PLOD2: variants seen among roughly 807,000 people sequenced by gnomAD.
PLOD2 encodes procollagen-lysine,2-oxoglutarate 5-dioxygenase 2, also known as lysine hydroxylase 2.
A neutral mutation model predicts 101.0 loss-of-function variants in PLOD2; 65 were observed. The observed-to-expected ratio is 0.64, with a 90% CI of 0.53 to 0.79. The LOEUF is 0.79. Ranked by LOEUF, PLOD2 falls within the 30% of genes least tolerant of loss-of-function variation. PLOD2 has a pLI of 0.00. For missense variants in PLOD2, 909 were observed against 914.6 expected (o/e 0.99, Z 0.08); for synonymous variants, 314 against 302.9 (o/e 1.04, Z -0.38).
chr3:146,074,983 A>G (rs1011420027), intron 15 of PLOD2, among the ~76,000 whole-genome samples: 41 of 151,572 alleles, frequency 2.7e-4, no homozygotes, highest in Non-Finnish European at 5.2e-4. Flanking sequence ...TTCTTACACA[A>G]ATATCTACAA....
chr3:146,072,161 A>G (rs1576568931), intron 17 of PLOD2, among the ~76,000 whole-genome samples: 1 of 151,732 alleles, frequency 6.6e-6, no homozygotes, highest in African/African-American at 2.4e-5. Flanking sequence ...TTTACACACA[A>G]AAACAGTTTT....
chr3:146,134,475 A>G (rs570398402), intron 1 of PLOD2, among the ~76,000 whole-genome samples: 68 of 152,352 alleles, frequency 4.5e-4, no homozygotes, highest in Middle Eastern at 3.4e-3. Flanking sequence ...CAAAGGTTTC[A>G]GCAACCTCCA....
chr3:146,084,367 GAT>G (rs57638108), intron 11 of PLOD2, among the ~76,000 whole-genome samples: 2 of 150,926 alleles, frequency 1.3e-5, no homozygotes, highest in Non-Finnish European at 1.5e-5. Flanking sequence ...AAATTCTAGT[GAT>G]ATATATATAT....
intron 2 of PLOD2, among the ~76,000 whole-genome samples, 160 bp downstream of exon 2, chr3:146,123,978 G>A (rs570750248): frequency 6.6e-6 from 1 of 152,070 alleles, no homozygotes; most frequent in African/African-American, 2.4e-5. Flanking sequence ...ATTTCTTTGT[G>A]TTAGGAAATA....
chr3:146,094,176 G>A (rs1937069736), intron 7 of PLOD2, among the ~76,000 whole-genome samples: 1 of 152,176 alleles, frequency 6.6e-6, no homozygotes, highest in South Asian at 2.1e-4. Context: ...ATGTTTCCAA[G>A]TATGATGTCA....
At chr3:146,140,131 T>G (rs2031450007) in intron 1 of PLOD2, among the ~76,000 whole-genome samples, 1 of 152,098 alleles carries the variant, frequency 6.6e-6, no homozygotes, top group African/African-American at 2.4e-5. Context: ...TACTCCAGTA[T>G]GACCCAGTGC....
intron 2 of PLOD2, among the ~76,000 whole-genome samples, chr3:146,123,012 T>C (rs985878191): frequency 3.9e-5 from 6 of 152,180 alleles, no homozygotes; most frequent in African/African-American, 1.4e-4. Flanking sequence ...TTCTAACATG[T>C]TTTTCATTTA....
intron 16 of PLOD2, among the ~76,000 whole-genome samples, chr3:146,072,996 G>A (rs1486106950): frequency 6.6e-6 from 1 of 151,644 alleles, no homozygotes; most frequent in African/African-American, 2.4e-5. Flanking sequence ...TTCACTGCAA[G>A]AGTTCTACAT....
chr3:146,125,138 T>A (rs527861472), intron 1 of PLOD2, among the ~76,000 whole-genome samples: 2 of 152,224 alleles, frequency 1.3e-5, no homozygotes, highest in East Asian at 3.9e-4. Context: ...AAAGCAAAAC[T>A]AACATCTTTT....
chr3:146,144,007 C>T (rs1310877293), intron 1 of PLOD2, among the ~76,000 whole-genome samples: 1 of 152,002 alleles, frequency 6.6e-6, no homozygotes, highest in East Asian at 1.9e-4. Flanking sequence ...CAGCTAAGAG[C>T]GTTTATACTG....
intron 8 of PLOD2, among the ~76,000 whole-genome samples, chr3:146,091,305 C>T (rs903032636): frequency 6.6e-6 from 1 of 151,784 alleles, no homozygotes; most frequent in Non-Finnish European, 1.5e-5. Context: ...TCAGTTTTCT[C>T]GTCTGTAAAA....
At chr3:146,145,932 G>A (rs2031752321) in intron 1 of PLOD2, among the ~76,000 whole-genome samples, 1 of 152,124 alleles carries the variant, frequency 6.6e-6, no homozygotes, top group South Asian at 2.1e-4. Flanking sequence ...TCATAAAATT[G>A]TAATTAGGAT....
intron 1 of PLOD2, among the ~76,000 whole-genome samples, chr3:146,147,650 G>A (rs762749715): frequency 2.0e-5 from 3 of 152,190 alleles, no homozygotes; most frequent in African/African-American, 4.8e-5. Flanking sequence ...GTCTCTAGAC[G>A]TTACCAAATA....
At chr3:146,086,707 A>C (rs1936783930) in intron 10 of PLOD2, 80 bp downstream of exon 10, 3 of 1,071,094 alleles carry the variant, frequency 2.8e-6, no homozygotes, top group Non-Finnish European at 4.0e-6. Context: ...TGGCATAACA[A>C]TTTTAATTTA....
chr3:146,078,201 A>G (rs1030831597), intron 13 of PLOD2, among the ~76,000 whole-genome samples: 1 of 151,848 alleles, frequency 6.6e-6, no homozygotes, highest in African/African-American at 2.4e-5. Flanking sequence ...ACATAAGACA[A>G]CGGAAAAAAT....
rs1936546236 is a variant in PLOD2 at position 146,081,749 on chromosome 3, T to C, written c.1347A>G (p.Gln449=). 5 of 1,607,568 alleles carry C rather than the reference T, an allele frequency of 3.1e-6. No individual in the cohort carries two copies. The highest frequency in any genetic ancestry group is 1.7e-5 in the Admixed American group (1 of 59,990). The change falls in exon 12 of 20, where the codon CAA becomes CAG. Residue 449 remains glutamine, a synonymous_variant. Coordinates refer to ENST00000282903, the MANE Select transcript of PLOD2 (RefSeq NM_182943.3). ...ARSEDYVDIV[Q]GNRVGVWNVP... The stretch of plus-strand genomic sequence containing the variant: ...ACCAAGTAACTTACACTCTATTCCC[T>C]TGAACAATATCCACATAATCTTCAG...
chr3:146,072,336 T>C (rs1365711070), intron 17 of PLOD2, among the ~76,000 whole-genome samples: 1 of 151,652 alleles, frequency 6.6e-6, no homozygotes, highest in Admixed American at 6.6e-5. Context: ...TCCAGTGTAA[T>C]TACATGCATA....
At chr3:146,093,330 C>G (rs2108032755) in intron 7 of PLOD2, among the ~76,000 whole-genome samples, 1 of 152,296 alleles carries the variant, frequency 6.6e-6, no homozygotes. Flanking sequence ...GTAAGCCATT[C>G]ACATTTCTTC....
intron 7 of PLOD2, among the ~76,000 whole-genome samples, chr3:146,092,281 A>C (rs898641224): frequency 7.2e-5 from 11 of 152,216 alleles, no homozygotes; most frequent in Middle Eastern, 3.4e-3. Flanking sequence ...TAATTTAGTA[A>C]TAAGATAAAC....
Sources: allele counts gnomAD v4.1 joint callset (sites outside exome capture counted in the v4.1 genomes callset), GRCh38; gene constraint gnomAD v4.1.1; transcripts MANE v1.5; gene names NCBI Gene and HGNC (gene_info 2026-07-23, HGNC 2026-07-21).